Variants in AP3S1 observed in about 807,000 individuals in gnomAD.
AP3S1 encodes adaptor related protein complex 3 subunit sigma 1.
A neutral mutation model predicts 21.3 loss-of-function variants in AP3S1; 12 were observed. That is an observed-to-expected ratio of 0.56 (90% CI 0.36 to 0.91). The LOEUF is 0.91. Ranked by LOEUF, AP3S1 falls within the 40% of genes least tolerant of loss-of-function variation. The probability of loss-of-function intolerance (pLI) is 0.01; values close to 1 mark genes in which losing one functional copy is unlikely to be tolerated. For missense variants in AP3S1, 116 were observed against 225.0 expected (o/e 0.52, Z 3.10); for synonymous variants, 48 against 78.4 (o/e 0.61, Z 2.05).
In AP3S1 at chr5:115,848,510, ATCTT is replaced by A. The variant is rs530091046; in HGVS notation, c.69+6410_69+6413del. ...TGCATGTCCTAAGAAATGTGTATAT[ATCTT>A]TCTTTTGTATAAAATTAAACTTACC... On this transcript the variant is annotated intron_variant, in intron 1 of 5. Transcript: ENST00000316788. 7.7e-4 allele frequency among the ~76,000 whole-genome samples: 117 copies of A among 152,366 alleles called. 1 individual carries two copies. Among genetic ancestry groups the A allele is most frequent in the Middle Eastern group, 3.4e-3 (1 of 294 alleles).
chr5:115,855,505 A>G (rs990955027), intron 1 of AP3S1, among the ~76,000 whole-genome samples: 85 of 149,952 alleles, frequency 5.7e-4, no homozygotes, highest in African/African-American at 2.0e-3. Flanking sequence ...ATGCCCAGCT[A>G]ATTTTTGTAT....
rs899981789 is a variant in AP3S1, at chr5:115,853,978, G to T, written c.69+11872G>T. On this transcript the variant is annotated intron_variant, in intron 1 of 5. Transcript: ENST00000316788. ...GAGACTCAGTAATTTATAGTGAACA[G>T]AAATTTATTTGGTTCATGGTTCTGG... Among the ~76,000 whole-genome samples the T allele has an allele frequency of 2.6e-5, 4 of 152,286 alleles. No homozygotes were observed. The East Asian group carries it at 7.7e-4, about 29-fold the overall frequency.
At chr5:115,893,093 A>G (rs1397913396) in intron 3 of AP3S1, among the ~76,000 whole-genome samples, 1 of 152,222 alleles carries the variant, frequency 6.6e-6, no homozygotes, top group Non-Finnish European at 1.5e-5. Context: ...TAATTTCCCC[A>G]TAAGCAAAAA....
At chr5:115,846,694 G>A (rs1479092852) in intron 1 of AP3S1, among the ~76,000 whole-genome samples, 4 of 151,706 alleles carry the variant, frequency 2.6e-5, no homozygotes, top group East Asian at 1.9e-4. Flanking sequence ...CTATTAAGAC[G>A]TTGTGGCAGA....
chr5:115,876,018 C>T (rs571185183), intron 3 of AP3S1, among the ~76,000 whole-genome samples: 2 of 152,190 alleles, frequency 1.3e-5, no homozygotes, highest in South Asian at 4.1e-4. Context: ...TCATTGATGT[C>T]TTAGCAGTTC....
chr5:115,881,185 T>A (rs1384168781), intron 3 of AP3S1, among the ~76,000 whole-genome samples: 3 of 152,294 alleles, frequency 2.0e-5, no homozygotes, highest in Non-Finnish European at 4.4e-5. Flanking sequence ...ATTAGGGTAT[T>A]TAGCCTGTTT....
intron 5 of AP3S1, chr5:115,907,128 A>C (rs1029349965): frequency 1.2e-5 from 5 of 417,118 alleles, no homozygotes; most frequent in East Asian, 1.6e-4. Context: ...TTTTTTAAAC[A>C]CTTGTCATCT....
chr5:115,877,159 T>A (rs1253258879), intron 3 of AP3S1, among the ~76,000 whole-genome samples: 2 of 152,150 alleles, frequency 1.3e-5, no homozygotes, highest in Non-Finnish European at 2.9e-5. Flanking sequence ...ATAGTTGAAA[T>A]TCTCCTGTGA....
chr5:115,890,175 A>G (rs1161533998), intron 3 of AP3S1, among the ~76,000 whole-genome samples: 1 of 152,190 alleles, frequency 6.6e-6, no homozygotes, highest in Non-Finnish European at 1.5e-5. Context: ...GTGTATACGT[A>G]TATATATGTT....
intron 5 of AP3S1, among the ~76,000 whole-genome samples, chr5:115,905,232 A>G (rs929374814): frequency 6.6e-6 from 1 of 152,240 alleles, no homozygotes; most frequent in Admixed American, 6.5e-5. Flanking sequence ...GTTGAATAAA[A>G]CTTCGTTAAT....
chr5:115,859,195 G>A (rs1165949165), intron 1 of AP3S1, among the ~76,000 whole-genome samples: 2 of 152,172 alleles, frequency 1.3e-5, no homozygotes, highest in Admixed American at 6.5e-5. Context: ...GGCAGTTTAG[G>A]TAGTGTAGGA....
chr5:115,842,078 C>T lies in AP3S1; in HGVS notation c.41C>T (p.Pro14Leu). 6.3e-7 allele frequency: 1 copy of T among 1,582,890 alleles called. No homozygotes were observed. Among genetic ancestry groups the T allele is most frequent in the Non-Finnish European group, 8.6e-7 (1 of 1,166,056 alleles). ...AILIFNNHGK[P>L]RLSKFYQPYS... Reference sequence around the variant, plus strand: ...CTAATCTTCAACAACCACGGGAAGCCGCGGCTCTCCAAGTTCTACCAGCCC... The same window carrying T: ...CTAATCTTCAACAACCACGGGAAGCTGCGGCTCTCCAAGTTCTACCAGCCC... Residue 14 changes from proline to leucine, a missense_variant, in exon 1 of 6, where the codon CCG (proline) becomes CTG (leucine). Around this residue, in one of 3 missense-constraint regions of AP3S1, gnomAD observed 50 missense variants for 55.5 expected, o/e 0.90. Coordinates refer to ENST00000316788, the MANE Select transcript of AP3S1 (RefSeq NM_001284.4).
Position 115,855,019 on chromosome 5 carries a change from ATATCTATC to A in AP3S1, c.70-11613_70-11606del, listed in dbSNP as rs34447523. Among the ~76,000 whole-genome samples, 775 of 147,542 alleles carry A rather than the reference ATATCTATC, an allele frequency of 5.3e-3. 4 individuals carry two copies. The highest frequency in any genetic ancestry group is 0.014 in the African/African-American group (546 of 39,618). ...GTGTGTGTGTGTATGTATATATTTT[ATATCTATC>A]TATCTATCTATCTATCTATCTATCT... On this transcript the variant is annotated intron_variant, in intron 1 of 5. Transcript: ENST00000316788.
intron 3 of AP3S1, among the ~76,000 whole-genome samples, chr5:115,872,672 T>C (rs558018669): frequency 1.3e-5 from 2 of 152,314 alleles, no homozygotes; most frequent in South Asian, 2.1e-4. Context: ...TGCTGAGTTA[T>C]GTTTTGCTTT....
chr5:115,889,166 G>A (rs998591541), intron 3 of AP3S1, among the ~76,000 whole-genome samples: 2 of 151,960 alleles, frequency 1.3e-5, no homozygotes, highest in Admixed American at 6.6e-5. Context: ...ACATTTAGTA[G>A]GTTCTGCTGA....
At chr5:115,852,332 C>T (rs35501287) in intron 1 of AP3S1, among the ~76,000 whole-genome samples, 22,208 of 151,918 alleles carry the variant, frequency 0.15, 2,119 homozygotes, top group East Asian at 0.33. Flanking sequence ...ATGGAAAGTC[C>T]TCAAACACTC....
At chr5:115,877,593 TCTATCACTGA>T (rs1305760666) in intron 3 of AP3S1, among the ~76,000 whole-genome samples, 1 of 152,222 alleles carries the variant, frequency 6.6e-6, no homozygotes, top group Non-Finnish European at 1.5e-5. Context: ...CTTTATCTAC[TCTATCACTGA>T]TGGGCATTTG....
intron 3 of AP3S1, among the ~76,000 whole-genome samples, chr5:115,889,302 A>G (rs756378057): frequency 2.6e-5 from 4 of 152,200 alleles, no homozygotes; most frequent in Non-Finnish European, 5.9e-5. Flanking sequence ...AAAAATTAAG[A>G]AAGAAAAAAT....
At chr5:115,912,418 G>A (rs975835268) in intron 5 of AP3S1, among the ~76,000 whole-genome samples, 4 of 151,920 alleles carry the variant, frequency 2.6e-5, no homozygotes, top group African/African-American at 7.2e-5. Context: ...AAATATGAAG[G>A]CTGTTAACGT....
Sources: gnomAD v4.1 joint callset for allele counts (sites outside exome capture counted in the v4.1 genomes callset) on GRCh38, gnomAD v4.1.1 for gene constraint, gnomAD v4.1.1 regional missense constraint, MANE v1.5 for transcripts, NCBI Gene and HGNC (gene_info 2026-07-23, HGNC 2026-07-21) for gene names.